Variants in MGAT4A observed in about 807,000 individuals in gnomAD.
MGAT4A encodes alpha-1,3-mannosyl-glycoprotein 4-beta-N-acetylglucosaminyltransferase A.
Under a neutral mutation model 74.1 loss-of-function variants are expected in MGAT4A, and 33 were observed. That is an observed-to-expected ratio of 0.45 (90% CI 0.34 to 0.60). MGAT4A has a LOEUF of 0.60. Among genes scored for constraint, MGAT4A ranks in the 20% least tolerant of loss-of-function variants. The pLI, the probability that MGAT4A is intolerant of heterozygous loss-of-function variation, is 0.02. For missense variants in MGAT4A, 479 were observed against 628.3 expected, an observed-to-expected ratio of 0.76 and a Z score of 2.54; for synonymous variants, 198 against 210.4, an observed-to-expected ratio of 0.94 and a Z score of 0.51.
rs146535537 is a variant in MGAT4A at position 98,688,746 on chromosome 2, G to A, written c.95-10275C>T. Among the ~76,000 whole-genome samples the A allele has an allele frequency of 9.8e-5, 15 of 152,290 alleles. 1 individual carries two copies. Among genetic ancestry groups the A allele is most frequent in the African/African-American group, 3.6e-4 (15 of 41,564 alleles). ...TTACGAGTCAGGTCTCAAGATGATA[G>A]TGTAGTCCAGCTGACACCTCAGTGT... On this transcript the variant is annotated intron_variant, in intron 2 of 15. Transcript: ENST00000393487.
intron 2 of MGAT4A, among the ~76,000 whole-genome samples, chr2:98,710,459 G>A (rs1702500455): frequency 6.7e-6 from 1 of 148,928 alleles, no homozygotes; most frequent in South Asian, 2.1e-4. Flanking sequence ...GTCAGTTTGG[G>A]TTGTTGTTGT....
At position 98,624,082 on chromosome 2, in the gene MGAT4A, A is replaced by G. The variant is rs535700518; in HGVS notation, c.*1484T>C. 5.4e-6 allele frequency: 5 copies of G among 923,046 alleles called. No individual in the cohort carries two copies. Among genetic ancestry groups the G allele is most frequent in the South Asian group, 1.0e-4 (2 of 20,016 alleles). The allele number at this position is 923,046 out of a possible 1,614,324, so 57.2% of individuals were successfully genotyped here. On this transcript the variant is annotated 3_prime_UTR_variant, in exon 16 of 16. Transcript: ENST00000393487. ...GGCTGGAGTGCAGTGGTGCGATCTCAGCTCACTGCCAGCTCTGCCTCCTGG... is the reference window on the plus strand; with the variant it reads ...GGCTGGAGTGCAGTGGTGCGATCTCGGCTCACTGCCAGCTCTGCCTCCTGG...
intron 1 of MGAT4A, 30 bp from the exon 2 acceptor site, chr2:98,726,597 C>A (rs1012976133): frequency 2.5e-6 from 1 of 402,112 alleles, no homozygotes; most frequent in Non-Finnish European, 4.4e-6. Flanking sequence ...AAGTCAAGCT[C>A]ATTCGGTAAT....
chr2:98,691,757 A>G (rs1419679902), intron 2 of MGAT4A, among the ~76,000 whole-genome samples: 1 of 152,148 alleles, frequency 6.6e-6, no homozygotes, highest in East Asian at 1.9e-4. Context: ...AAGGTATCCT[A>G]GAAGGAGGCA....
rs1701061240 is a variant in MGAT4A at position 98,621,586 on chromosome 2, C to T, written c.*3980G>A. 1 of 1,539,910 alleles carries T rather than the reference C, an allele frequency of 6.5e-7. No individual in the cohort carries two copies. The highest frequency in any genetic ancestry group is 1.4e-5 in the African/African-American group (1 of 72,942). On this transcript the variant is annotated 3_prime_UTR_variant, in exon 16 of 16. Transcript: ENST00000393487. ...TACATAACATGATATAATCATGGAT[C>T]AAACAGGTTCCACCCATGCTCAAAG...
At chr2:98,695,223 G>C (rs1050953568) in intron 2 of MGAT4A, 2 of 152,538 alleles carry the variant, frequency 1.3e-5, no homozygotes, top group Admixed American at 6.6e-5. Flanking sequence ...TTTTAGTAGA[G>C]ACGAGGTTTC....
rs565858870 is a variant in MGAT4A at position 98,676,638 on chromosome 2, AC to A, written c.263-1464del. On this transcript the variant is annotated intron_variant, in intron 3 of 15. Transcript: ENST00000393487. ...TAGGGGGGAAAAACAACCCAGAAAAACCCATTTGAATAACTGTAGAAAAAAA... is the reference window on the plus strand; with the variant it reads ...TAGGGGGGAAAAACAACCCAGAAAAACCATTTGAATAACTGTAGAAAAAAA... 7.9e-3 allele frequency among the ~76,000 whole-genome samples: 1,196 copies of A among 152,216 alleles called. 6 individuals are homozygous for A. Among genetic ancestry groups the A allele is most frequent in the Non-Finnish European group, 0.013 (917 of 68,004 alleles).
chr2:98,639,917 C>T lies in MGAT4A; in HGVS notation c.1213G>A (p.Gly405Arg). Residue 405 changes from glycine (G) to arginine (R), a missense_variant, in exon 12 of 16, where the codon GGG (glycine) becomes AGG (arginine). Physicochemically the swap from Gly to Arg is moderately radical, Grantham distance 125 (BLOSUM62 -2). Around this residue, in one of 3 missense-constraint regions of MGAT4A, gnomAD observed 236 missense variants for 308.2 expected, o/e 0.77. Transcript: ENST00000393487. ...ATGTAAGTTTTCTCCAGCGTATGCCCTTGGTAGACCTTCAAGGAAGTAGAT... is the reference window on the plus strand; with the variant it reads ...ATGTAAGTTTTCTCCAGCGTATGCCTTTGGTAGACCTTCAAGGAAGTAGAT... ...EVSTSLKVYQ[G>R]HTLEKTYMGE... 6.2e-7 allele frequency: 1 copy of T among 1,614,082 alleles called. No individual in the cohort carries two copies. The highest frequency in any genetic ancestry group is 8.5e-7 in the Non-Finnish European group (1 of 1,179,978).
chr2:98,690,828 A>G (rs926665995), intron 2 of MGAT4A, among the ~76,000 whole-genome samples: 7 of 152,248 alleles, frequency 4.6e-5, no homozygotes, highest in Non-Finnish European at 1.0e-4. Flanking sequence ...AAGTTTCAGA[A>G]TATGAAATAT....
intron 2 of MGAT4A, among the ~76,000 whole-genome samples, chr2:98,706,364 TGTGA>T (rs1261613507): frequency 9.2e-5 from 14 of 152,126 alleles, no homozygotes; most frequent in Admixed American, 6.5e-4. Flanking sequence ...ATCAAAATGA[TGTGA>T]GTTTTATTTT....
chr2:98,650,246 G>C (rs1275630971), intron 8 of MGAT4A, among the ~76,000 whole-genome samples: 1 of 152,016 alleles, frequency 6.6e-6, no homozygotes, highest in Non-Finnish European at 1.5e-5. Flanking sequence ...AAAGAAAAAA[G>C]AATAACAGAA....
At chr2:98,693,550 T>C (rs1702220977) in intron 2 of MGAT4A, among the ~76,000 whole-genome samples, 1 of 152,016 alleles carries the variant, frequency 6.6e-6, no homozygotes, top group Non-Finnish European at 1.5e-5. Context: ...TATAGACAAA[T>C]TAAAGAATTA....
chr2:98,700,949 AAT>A (rs1387356196), intron 2 of MGAT4A, among the ~76,000 whole-genome samples: 1 of 152,184 alleles, frequency 6.6e-6, no homozygotes, highest in African/African-American at 2.4e-5. Flanking sequence ...TTTTATTAAA[AAT>A]AATTGTTTTC....
At chr2:98,711,234 G>A (rs1028164086) in intron 2 of MGAT4A, among the ~76,000 whole-genome samples, 13 of 149,162 alleles carry the variant, frequency 8.7e-5, no homozygotes, top group Non-Finnish European at 1.9e-4. Context: ...GAGCTCAAAA[G>A]GCCTCATTAA....
At chr2:98,708,540 C>A (rs942934194) in intron 2 of MGAT4A, among the ~76,000 whole-genome samples, 1 of 152,176 alleles carries the variant, frequency 6.6e-6, no homozygotes, top group Non-Finnish European at 1.5e-5. Flanking sequence ...TCAGCAGTTA[C>A]ACTTAGTAAC....
intron 14 of MGAT4A, among the ~76,000 whole-genome samples, chr2:98,627,908 CTT>C (rs1368901410): frequency 6.6e-6 from 1 of 152,198 alleles, no homozygotes; most frequent in Admixed American, 6.5e-5. Flanking sequence ...ACTGTTGACA[CTT>C]TTGTTCAATG....
intron 2 of MGAT4A, among the ~76,000 whole-genome samples, chr2:98,700,633 G>A (rs1007450919): frequency 4.6e-5 from 7 of 152,134 alleles, no homozygotes; most frequent in Non-Finnish European, 1.5e-5. Context: ...GCTCATGCGT[G>A]TAATCCCAGC....
rs924754025 is a variant in MGAT4A, at chr2:98,624,565, C to G, written c.*1001G>C. Reference sequence around the variant, plus strand: ...AAAATTATACCAATTATGACTCATACAATAGCAACACCTAGAAAACATTTT... The same window carrying G: ...AAAATTATACCAATTATGACTCATAGAATAGCAACACCTAGAAAACATTTT... On this transcript the variant is annotated 3_prime_UTR_variant, in exon 16 of 16. Transcript: ENST00000393487. 3.1e-6 allele frequency: 3 copies of G among 983,292 alleles called. No homozygotes were observed. The African/African-American group carries it at 5.3e-5, about 17-fold the overall frequency. 60.9% of individuals were successfully genotyped at this position (983,292 alleles called of 1,614,324 possible).
intron 2 of MGAT4A, among the ~76,000 whole-genome samples, chr2:98,717,773 A>G (rs1702612143): frequency 6.6e-6 from 1 of 152,208 alleles, no homozygotes; most frequent in African/African-American, 2.4e-5. Context: ...CCTCTCCTAC[A>G]CTACGGCAAG....
Sources: gnomAD v4.1 joint callset for allele counts (sites outside exome capture counted in the v4.1 genomes callset) on GRCh38, gnomAD v4.1.1 for gene constraint, gnomAD v4.1.1 regional missense constraint, MANE v1.5 for transcripts, NCBI Gene and HGNC (gene_info 2026-07-23, HGNC 2026-07-21) for gene names.